GRIN2A: variants seen among roughly 807,000 people sequenced by gnomAD.
The protein encoded by GRIN2A is glutamate ionotropic receptor NMDA type subunit 2A.
GRIN2A carries 22 observed loss-of-function variants against 113.4 expected under a neutral mutation model. That is an observed-to-expected ratio of 0.19 (90% CI 0.14 to 0.28). The LOEUF is 0.28. Ranked by LOEUF, GRIN2A falls within the 10% of genes least tolerant of loss-of-function variation. The probability of loss-of-function intolerance (pLI) is 1.00; values close to 1 mark genes in which losing one functional copy is unlikely to be tolerated. For missense variants in GRIN2A, 1,502 were observed against 1,887.0 expected (o/e 0.80, Z 3.78); for synonymous variants, 827 against 738.4 (o/e 1.12, Z -1.94).
chr16:10,113,294 C>A (rs1465690688), intron 2 of GRIN2A, among the ~76,000 whole-genome samples: 7 of 152,196 alleles, frequency 4.6e-5, no homozygotes, highest in African/African-American at 1.4e-4. Flanking sequence ...TCTTCCCGGG[C>A]CGCTGCCCCC....
chr16:9,754,311 A>G lies in GRIN2A; in HGVS notation c.*8838T>C, dbSNP rs1900273955. 4.9e-6 allele frequency: 1 copy of G among 205,474 alleles called. No individual in the cohort carries two copies. Among genetic ancestry groups the G allele is most frequent in the African/African-American group, 2.3e-5 (1 of 43,794 alleles). 12.7% of individuals were successfully genotyped at this position (205,474 alleles called of 1,614,324 possible). The stretch of plus-strand genomic sequence containing the variant: ...ATAGTTAAAAACAACTGGTAAAGAA[A>G]TCTTTGGGGACCCTCAGGTTTGGAA... On this transcript the variant is annotated 3_prime_UTR_variant, in exon 13 of 13. Coordinates refer to ENST00000330684, the MANE Select transcript of GRIN2A (RefSeq NM_001134407.3).
chr16:9,930,028 C>T (rs574155492), intron 3 of GRIN2A, among the ~76,000 whole-genome samples: 14 of 152,236 alleles, frequency 9.2e-5, no homozygotes, highest in Admixed American at 3.9e-4. Flanking sequence ...GGCTGGCATA[C>T]GGTTCTTTTG....
At chr16:9,821,990 G>A (rs2042293198) in intron 10 of GRIN2A, among the ~76,000 whole-genome samples, 1 of 152,082 alleles carries the variant, frequency 6.6e-6, no homozygotes, top group Non-Finnish European at 1.5e-5. Flanking sequence ...AATATCCTAT[G>A]GAGTTGGACA....
At chr16:10,018,402 A>C (rs837698) in intron 2 of GRIN2A, among the ~76,000 whole-genome samples, 134,743 of 152,150 alleles carry the variant, frequency 0.89, 60,247 homozygotes, top group African/African-American at 0.97. Context: ...AGGCAGCAAT[A>C]CCACTGCAGT....
chr16:9,814,111 A>G (rs2042142287), intron 10 of GRIN2A, among the ~76,000 whole-genome samples: 1 of 152,190 alleles, frequency 6.6e-6, no homozygotes, highest in African/African-American at 2.4e-5. Flanking sequence ...TTGAGCATAG[A>G]AATGATAATG....
intron 10 of GRIN2A, among the ~76,000 whole-genome samples, chr16:9,811,972 C>T (rs191392092): frequency 6.6e-6 from 1 of 152,194 alleles, no homozygotes; most frequent in East Asian, 1.9e-4. Context: ...GAAACATTGC[C>T]CCTTTTGAAA....
At chr16:9,823,741 A>G (rs185012750) in intron 9 of GRIN2A, among the ~76,000 whole-genome samples, 29 of 152,324 alleles carry the variant, frequency 1.9e-4, no homozygotes, top group African/African-American at 7.0e-4. Flanking sequence ...AGGCTATGTG[A>G]TCTATTTAAG....
chr16:10,128,486 T>C (rs2048992160), intron 2 of GRIN2A, among the ~76,000 whole-genome samples: 2 of 152,156 alleles, frequency 1.3e-5, no homozygotes, highest in South Asian at 2.1e-4. Flanking sequence ...TACAGAATGT[T>C]GAGATTGGCC....
At chr16:10,049,383 A>AT (rs565267242) in intron 2 of GRIN2A, among the ~76,000 whole-genome samples, 13,940 of 146,046 alleles carry the variant, frequency 0.095, 714 homozygotes, top group Non-Finnish European at 0.11. Context: ...ATTTTTTACT[A>AT]TTTTTTTTTT....
chr16:9,847,589 T>C (rs1267055400), intron 5 of GRIN2A, among the ~76,000 whole-genome samples: 1 of 151,382 alleles, frequency 6.6e-6, no homozygotes, highest in African/African-American at 2.4e-5. Flanking sequence ...TAATGTTTTA[T>C]ATATTTTTAA....
chr16:10,173,590 C>A (rs961455320), intron 2 of GRIN2A, among the ~76,000 whole-genome samples: 1 of 152,146 alleles, frequency 6.6e-6, no homozygotes, highest in African/African-American at 2.4e-5. Context: ...GGCATCGGAG[C>A]CAATGACTAG....
intron 2 of GRIN2A, among the ~76,000 whole-genome samples, chr16:10,144,499 T>A (rs1030545061): frequency 2.6e-5 from 4 of 152,256 alleles, no homozygotes; most frequent in African/African-American, 4.8e-5. Context: ...GTCCATTTTT[T>A]AATTGTCCAT....
At chr16:9,908,442 G>GT (rs57618366) in intron 3 of GRIN2A, among the ~76,000 whole-genome samples, 8 of 151,404 alleles carry the variant, frequency 5.3e-5, no homozygotes, top group South Asian at 2.1e-4. Flanking sequence ...CCTTCTTCCA[G>GT]TTTTTTTTCC....
intron 2 of GRIN2A, among the ~76,000 whole-genome samples, chr16:10,140,285 C>G (rs528094317): frequency 3.6e-4 from 55 of 151,912 alleles, no homozygotes; most frequent in African/African-American, 1.2e-3. Context: ...ACACAGTATA[C>G]CATGACGATA....
intron 2 of GRIN2A, among the ~76,000 whole-genome samples, chr16:9,950,378 G>C (rs912777486): frequency 1.3e-5 from 2 of 152,080 alleles, no homozygotes; most frequent in African/African-American, 4.8e-5. Context: ...TGGACCTCAT[G>C]GTTACTTGAG....
intron 7 of GRIN2A, among the ~76,000 whole-genome samples, chr16:9,836,218 T>C (rs2042581752): frequency 6.6e-6 from 1 of 152,170 alleles, no homozygotes; most frequent in African/African-American, 2.4e-5. Flanking sequence ...ATGAAAGTGT[T>C]TGTTCGTGTG....
chr16:10,074,775 G>A (rs2047836026), intron 2 of GRIN2A, among the ~76,000 whole-genome samples: 1 of 152,088 alleles, frequency 6.6e-6, no homozygotes, highest in Non-Finnish European at 1.5e-5. Flanking sequence ...TTCTTTTTGT[G>A]GTTTTGGAAC....
intron 11 of GRIN2A, among the ~76,000 whole-genome samples, chr16:9,772,407 A>C (rs1359851254): frequency 6.6e-6 from 1 of 152,098 alleles, no homozygotes; most frequent in Non-Finnish European, 1.5e-5. Context: ...GTCTCACTAC[A>C]GTCGCCCAGG....
intron 10 of GRIN2A, among the ~76,000 whole-genome samples, chr16:9,808,032 T>C (rs1346309597): frequency 3.9e-5 from 6 of 152,208 alleles, no homozygotes; most frequent in African/African-American, 7.2e-5. Flanking sequence ...TGCTACTCTT[T>C]ATAGAGCTTC....
Sources: allele counts gnomAD v4.1 joint callset (sites outside exome capture counted in the v4.1 genomes callset), GRCh38; gene constraint gnomAD v4.1.1; transcripts MANE v1.5; gene names NCBI Gene and HGNC (gene_info 2026-07-23, HGNC 2026-07-21).